Variants in SAMD4A observed in about 807,000 individuals in gnomAD.
SAMD4A encodes the protein protein Smaug homolog 1.
In SAMD4A, 33 loss-of-function variants were observed where a neutral mutation model predicts 81.3. The observed-to-expected ratio is 0.41, with a 90% CI of 0.31 to 0.54. The LOEUF is 0.54. Ranked by LOEUF, SAMD4A falls within the 20% of genes least tolerant of loss-of-function variation. The pLI is 0.37. For missense variants in SAMD4A, 854 were observed against 951.1 expected, an observed-to-expected ratio of 0.90 and a Z score of 1.34; for synonymous variants, 389 against 382.1, an observed-to-expected ratio of 1.02 and a Z score of -0.21.
intron 3 of SAMD4A, among the ~76,000 whole-genome samples, chr14:54,715,427 A>C (rs1431189110): frequency 6.6e-6 from 1 of 152,090 alleles, no homozygotes; most frequent in African/African-American, 2.4e-5. Flanking sequence ...AATGTCTAGG[A>C]GAAGTGGGAT....
At chr14:54,602,250 A>G (rs921730868) in intron 2 of SAMD4A, among the ~76,000 whole-genome samples, 1 of 152,022 alleles carries the variant, frequency 6.6e-6, no homozygotes, top group Non-Finnish European at 1.5e-5. Flanking sequence ...AAGAAGAAGC[A>G]TATCAATAGA....
chr14:54,612,933 A>G lies in SAMD4A; in HGVS notation c.196+44821A>G, dbSNP rs112014614. ...AGAGATCAAGACCATCCTGGCCAAC[A>G]TGGTGAAACCCTGTCTCTACTAAAA... is the stretch of plus-strand genomic sequence containing the variant. On this transcript the variant is annotated intron_variant, in intron 2 of 12. Coordinates refer to ENST00000554335, the MANE Select transcript of SAMD4A (RefSeq NM_015589.6). 1.0e-3 allele frequency among the ~76,000 whole-genome samples: 155 copies of G among 152,244 alleles called. 1 individual carries two copies. Among genetic ancestry groups the G allele is most frequent in the African/African-American group, 3.5e-3 (145 of 41,560 alleles).
intron 3 of SAMD4A, among the ~76,000 whole-genome samples, chr14:54,721,771 T>G (rs1301686910): frequency 2.0e-5 from 3 of 152,128 alleles, no homozygotes; most frequent in African/African-American, 7.2e-5. Context: ...ATGGAAAGAT[T>G]AATTAAATGA....
rs979912215 is a variant in SAMD4A, at chr14:54,567,683, G to A, written c.-234G>A. 2.3e-6 allele frequency: 1 copy of A among 440,326 alleles called. No individual in the cohort carries two copies. The highest frequency in any genetic ancestry group is 4.0e-6 in the Non-Finnish European group (1 of 246,968). The allele number at this position is 440,326 out of a possible 1,614,324, so 27.3% of individuals were successfully genotyped here. ...TTTTTTTTTTTAAAGAAACATTTCC[G>A]TGCTACTGTCTGTCATCGTCTCTGG... On this transcript the variant is annotated 5_prime_UTR_variant, in exon 2 of 13. In the 5' UTR this introduces an upstream ATG that the reference lacks. Coordinates refer to ENST00000554335, the MANE Select transcript of SAMD4A (RefSeq NM_015589.6).
intron 3 of SAMD4A, among the ~76,000 whole-genome samples, chr14:54,732,212 C>G (rs980416203): frequency 6.6e-6 from 1 of 152,140 alleles, no homozygotes; most frequent in Non-Finnish European, 1.5e-5. Flanking sequence ...TATTTCAAAT[C>G]TGCTGATTTT....
chr14:54,782,273 C>T (rs1352363945), intron 11 of SAMD4A, among the ~76,000 whole-genome samples: 3 of 151,922 alleles, frequency 2.0e-5, no homozygotes, highest in Non-Finnish European at 2.9e-5. Flanking sequence ...TAAAGGGGAG[C>T]GCTGGAGAGT....
chr14:54,601,987 A>G (rs1340072013), intron 2 of SAMD4A, among the ~76,000 whole-genome samples: 1 of 152,158 alleles, frequency 6.6e-6, no homozygotes, highest in Admixed American at 6.5e-5. Flanking sequence ...TTGGAGAGAA[A>G]ATTGAGGGAA....
chr14:54,597,104 CTT>C (rs112337566), intron 2 of SAMD4A, among the ~76,000 whole-genome samples: 33 of 136,332 alleles, frequency 2.4e-4, no homozygotes, highest in Admixed American at 2.9e-4. Context: ...ATCTGAGTTT[CTT>C]TTTTTTTTTT....
At chr14:54,741,619 A>G (rs1317141247) in intron 4 of SAMD4A, among the ~76,000 whole-genome samples, 2 of 152,202 alleles carry the variant, frequency 1.3e-5, no homozygotes, top group Non-Finnish European at 2.9e-5. Flanking sequence ...CAGGCACTTA[A>G]TGCAAGTGCC....
At chr14:54,650,071 C>T (rs1053448558) in intron 2 of SAMD4A, among the ~76,000 whole-genome samples, 10 of 152,168 alleles carry the variant, frequency 6.6e-5, no homozygotes, top group Non-Finnish European at 4.4e-5. Context: ...TATTCCAGAG[C>T]GTATTTTCTT....
chr14:54,784,171 G>T, intron 11 of SAMD4A: 2 of 604,720 alleles, frequency 3.3e-6, no homozygotes, highest in Non-Finnish European at 6.0e-6. Context: ...AGAGGAAGGA[G>T]AGAGCTGTAT....
At chr14:54,591,944 T>C (rs774336675) in intron 2 of SAMD4A, among the ~76,000 whole-genome samples, 1 of 152,140 alleles carries the variant, frequency 6.6e-6, no homozygotes, top group Non-Finnish European at 1.5e-5. Flanking sequence ...CTCTTCTCCA[T>C]GAGCCCTGTT....
chr14:54,671,617 G>A (rs962848685), intron 2 of SAMD4A, among the ~76,000 whole-genome samples: 2 of 152,210 alleles, frequency 1.3e-5, no homozygotes, highest in South Asian at 2.1e-4. Flanking sequence ...CTTGGGACAA[G>A]TGTCAGGCCT....
chr14:54,682,159 C>G lies in SAMD4A; in HGVS notation c.197-19903C>G, dbSNP rs188123003. ...TTTAATGTTTGGGATTGTGGGGAGT[C>G]TGCTGTGTGCACAGAAGAATCTTGA... is the stretch of plus-strand genomic sequence containing the variant. On this transcript the variant is annotated intron_variant, in intron 2 of 12. Coordinates refer to ENST00000554335, the MANE Select transcript of SAMD4A (RefSeq NM_015589.6). 1.7e-5 allele frequency: 10 copies of G among 592,684 alleles called. No homozygotes were observed. In the Admixed American group the frequency reaches 5.7e-4, roughly 34 times the overall value. 36.7% of individuals were successfully genotyped at this position (592,684 alleles called of 1,614,324 possible). A position where few individuals can be genotyped will look rare whatever the true frequency, so the allele number is the denominator to read the frequency against.
At chr14:54,609,078 T>C (rs1375689639) in intron 2 of SAMD4A, among the ~76,000 whole-genome samples, 1 of 152,206 alleles carries the variant, frequency 6.6e-6, no homozygotes, top group Non-Finnish European at 1.5e-5. Flanking sequence ...CCTGTGAAAA[T>C]GTTATGTTAC....
rs951258152 is a variant in SAMD4A at position 54,771,049 on chromosome 14, T to C, written c.1715+827T>C. 2.6e-5 allele frequency among the ~76,000 whole-genome samples: 4 copies of C among 152,314 alleles called. No homozygotes were observed. In the East Asian group the frequency reaches 5.8e-4, roughly 22 times the overall value. ...TTCATTTCATTTCTCGGTGCATGTA[T>C]AGAAGCTCTCTGCCCGTGGTGTTAA... is the stretch of plus-strand genomic sequence containing the variant. On this transcript the variant is annotated intron_variant, in intron 9 of 12. Transcript: ENST00000554335.
chr14:54,717,456 A>T (rs1462976780), intron 3 of SAMD4A, among the ~76,000 whole-genome samples: 2 of 150,746 alleles, frequency 1.3e-5, no homozygotes, highest in Non-Finnish European at 3.0e-5. Context: ...AAAAAAAAAA[A>T]GAAAGAAATT....
chr14:54,666,897 C>T (rs1223675188), intron 2 of SAMD4A, among the ~76,000 whole-genome samples: 2 of 151,848 alleles, frequency 1.3e-5, no homozygotes, highest in Non-Finnish European at 2.9e-5. Context: ...AAGAAAGTGC[C>T]CAGGAGATGG....
chr14:54,706,629 GAAAA>G (rs1023040164), intron 3 of SAMD4A, among the ~76,000 whole-genome samples: 1 of 128,466 alleles, frequency 7.8e-6, no homozygotes, highest in East Asian at 2.4e-4. Context: ...AAGAAAGAAA[GAAAA>G]AAACCAGGAA....
Sources: allele counts gnomAD v4.1 joint callset (sites outside exome capture counted in the v4.1 genomes callset), GRCh38; gene constraint gnomAD v4.1.1; transcripts MANE v1.5; gene names NCBI Gene and HGNC (gene_info 2026-07-23, HGNC 2026-07-21).